Variants in IGFBP2 observed in about 807,000 individuals in gnomAD.
IGFBP2 encodes insulin-like growth factor-binding protein 2.
In IGFBP2, 12 loss-of-function variants were observed where a neutral mutation model predicts 26.2. That is an observed-to-expected ratio of 0.46 (90% CI 0.29 to 0.74). IGFBP2 has a LOEUF of 0.74. IGFBP2 is among the 30% of genes least tolerant of loss of function. The pLI, the probability that IGFBP2 is intolerant of heterozygous loss-of-function variation, is 0.09. For missense variants in IGFBP2, 328 were observed against 441.2 expected (o/e 0.74, Z 2.30); for synonymous variants, 189 against 200.6 (o/e 0.94, Z 0.49).
At position 216,633,618 on chromosome 2, in the gene IGFBP2, GC is replaced by G; in HGVS notation, c.96del (p.Ala34ArgfsTer134). 1 of 1,013,774 alleles carries G rather than the reference GC, an allele frequency of 9.9e-7. No individual in the cohort carries two copies. The highest frequency in any genetic ancestry group is 1.2e-6 in the Non-Finnish European group (1 of 851,534). The allele number at this position is 1,013,774 out of a possible 1,614,324, so 62.8% of individuals were successfully genotyped here. On this transcript the variant is annotated frameshift_variant, in exon 1 of 4. Transcript: ENST00000233809. LOFTEE classifies it high-confidence loss of function. ...CTACTGGGCGCGAGTGGCGGCGGCG[GC>G]GGGGCGCGCGCGGAGGTGCTGTTCC... ...LLLLGASGGGGGARAEVLFRC... is the reference protein window; with the variant it reads ...LLLLGASGGGXGARAEVLFRC...
At chr2:216,647,304 A>C (rs1672044325) in intron 1 of IGFBP2, among the ~76,000 whole-genome samples, 1 of 152,106 alleles carries the variant, frequency 6.6e-6, no homozygotes, top group Non-Finnish European at 1.5e-5. Flanking sequence ...CCTGTCCTTC[A>C]TTCACTAAGT....
At chr2:216,658,618 C>A (rs2106205003) in intron 1 of IGFBP2, among the ~76,000 whole-genome samples, 1 of 152,200 alleles carries the variant, frequency 6.6e-6, no homozygotes, top group South Asian at 2.1e-4. Flanking sequence ...GGTGCGATCT[C>A]AGCTCACTGC....
At chr2:216,639,035 C>T (rs9341120) in intron 1 of IGFBP2, among the ~76,000 whole-genome samples, 165 of 108,478 alleles carry the variant, frequency 1.5e-3, no homozygotes, top group Middle Eastern at 0.02. Flanking sequence ...TTTTTTGAGA[C>T]GGAGTCTTGC....
upstream of IGFBP2, chr2:216,633,417 G>A (rs867361562): frequency 2.4e-4 from 43 of 176,356 alleles, no homozygotes; most frequent in Middle Eastern, 0.023. Context: ...GGCGGCGAGG[G>A]AGGAGGAAGA....
At chr2:216,658,320 T>G (rs1697957693) in intron 1 of IGFBP2, among the ~76,000 whole-genome samples, 2 of 152,156 alleles carry the variant, frequency 1.3e-5, no homozygotes, top group South Asian at 2.1e-4. Flanking sequence ...CCCCTCATCT[T>G]GAGTGGAAAG....
At chr2:216,639,848 G>T (rs1207021597) in intron 1 of IGFBP2, among the ~76,000 whole-genome samples, 9 of 152,004 alleles carry the variant, frequency 5.9e-5, no homozygotes, top group Non-Finnish European at 1.3e-4. Flanking sequence ...TCACCATGTT[G>T]GCCAGGCTGG....
chr2:216,662,193 G>A lies in IGFBP2; in HGVS notation c.813+195G>A, dbSNP rs368281626. Reference sequence around the variant, plus strand: ...TGCAGCTCTTCTCCCTGCCTCCGACGGGTCAGTTGCTGGCTCCACTTGCCC... The same window carrying A: ...TGCAGCTCTTCTCCCTGCCTCCGACAGGTCAGTTGCTGGCTCCACTTGCCC... On this transcript the variant is annotated intron_variant, in intron 3 of 3. Coordinates refer to ENST00000233809, the MANE Select transcript of IGFBP2 (RefSeq NM_000597.3). The A allele has an allele frequency of 9.1e-4, 571 of 629,082 alleles. 2 individuals are homozygous for A. The African/African-American group carries it at 9.5e-3, about 11-fold the overall frequency. The allele number at this position is 629,082 out of a possible 1,614,324, so 39.0% of individuals were successfully genotyped here.
intron 1 of IGFBP2, among the ~76,000 whole-genome samples, chr2:216,659,385 T>A (rs927075497): frequency 1.3e-5 from 2 of 152,216 alleles, no homozygotes; most frequent in Non-Finnish European, 2.9e-5. Flanking sequence ...CAAGATTGGT[T>A]GAAAAACACC....
chr2:216,660,951 A>T, intron 2 of IGFBP2, 165 bp downstream of exon 2: 1 of 614,222 alleles, frequency 1.6e-6, no homozygotes, highest in Admixed American at 2.8e-5. Context: ...CCTTTGGGGC[A>T]GTCAGTATCT....
Position 216,659,713 on chromosome 2 carries a change from G to T in IGFBP2, c.443-844G>T, listed in dbSNP as rs539895755. 4.3e-5 allele frequency: 66 copies of T among 1,535,556 alleles called. No individual in the cohort carries two copies. In the African/African-American group the frequency reaches 5.5e-4, roughly 13 times the overall value. On this transcript the variant is annotated intron_variant, in intron 1 of 3. Transcript: ENST00000233809. ...GTATAAGGAGACTTAATGGACGCTT[G>T]TTGGACAGACATCACGAAGCTTCAT...
intron 1 of IGFBP2, among the ~76,000 whole-genome samples, chr2:216,659,376 A>G (rs1166631596): frequency 6.6e-6 from 1 of 152,248 alleles, no homozygotes; most frequent in East Asian, 1.9e-4. Flanking sequence ...AAAAATGTGC[A>G]AGATTGGTTG....
rs1200198378 is a variant in IGFBP2, at chr2:216,653,154, G to A, written c.443-7403G>A. ...GGGGCCACACACTCTGAGGAGGAAGGACCAGGGAGGTGCTTTTAGATTCTT... is the reference window on the plus strand; with the variant it reads ...GGGGCCACACACTCTGAGGAGGAAGAACCAGGGAGGTGCTTTTAGATTCTT... On this transcript the variant is annotated intron_variant, in intron 1 of 3. Transcript: ENST00000233809. 2.0e-5 allele frequency among the ~76,000 whole-genome samples: 3 copies of A among 152,214 alleles called. No individual in the cohort carries two copies. The East Asian group carries it at 5.8e-4, about 29-fold the overall frequency.
chr2:216,650,049 G>T (rs9288521), intron 1 of IGFBP2, among the ~76,000 whole-genome samples: 7,363 of 152,298 alleles, frequency 0.048, 276 homozygotes, highest in African/African-American at 0.098. Context: ...CATTGTTCTC[G>T]CCTCACCAGG....
At chr2:216,656,039 G>T (rs904092016) in intron 1 of IGFBP2, among the ~76,000 whole-genome samples, 21 of 151,928 alleles carry the variant, frequency 1.4e-4, no homozygotes, top group African/African-American at 5.1e-4. Flanking sequence ...TATGTCCTAG[G>T]CACTGTGCCT....
At chr2:216,646,374 G>C (rs930771585) in intron 1 of IGFBP2, among the ~76,000 whole-genome samples, 3 of 152,200 alleles carry the variant, frequency 2.0e-5, no homozygotes, top group Non-Finnish European at 4.4e-5. Context: ...CCATCTCATG[G>C]TTCCACTTGC....
intron 1 of IGFBP2, among the ~76,000 whole-genome samples, chr2:216,656,922 T>G (rs1354514756): frequency 2.0e-5 from 3 of 152,102 alleles, no homozygotes; most frequent in African/African-American, 7.2e-5. Flanking sequence ...CAGAATGCGG[T>G]GTCGAGGTCT....
intron 1 of IGFBP2, among the ~76,000 whole-genome samples, chr2:216,636,843 G>T (rs1372634065): frequency 6.6e-6 from 1 of 151,906 alleles, no homozygotes; most frequent in African/African-American, 2.4e-5. Context: ...CCGAGTGGCC[G>T]TTTGGCCCGC....
intron 1 of IGFBP2, among the ~76,000 whole-genome samples, chr2:216,656,693 A>G (rs1171140784): frequency 6.6e-6 from 1 of 152,080 alleles, no homozygotes; most frequent in Non-Finnish European, 1.5e-5. Context: ...ATAGAGGTAC[A>G]CATGAGCTGC....
intron 1 of IGFBP2, among the ~76,000 whole-genome samples, chr2:216,655,437 C>T (rs1697901536): frequency 6.6e-6 from 1 of 152,202 alleles, no homozygotes; most frequent in Non-Finnish European, 1.5e-5. Context: ...TCACCTGGCA[C>T]TTCTTCCTGC....
Sources: gnomAD v4.1 joint callset for allele counts (sites outside exome capture counted in the v4.1 genomes callset) on GRCh38, gnomAD v4.1.1 for gene constraint, MANE v1.5 for transcripts, NCBI Gene and HGNC (gene_info 2026-07-23, HGNC 2026-07-21) for gene names.